The following KIAA1328 variants were observed in gnomAD, a reference collection of about 807,000 sequenced individuals.
The protein encoded by KIAA1328 is KIAA1328, also known as protein hinderin.
Under a neutral mutation model 68.1 loss-of-function variants are expected in KIAA1328, and 52 were observed. The ratio of observed to expected loss-of-function variants is 0.76; its 90% CI spans 0.61 to 0.96. KIAA1328 has a LOEUF of 0.96. Ranked by LOEUF, KIAA1328 falls within the 40% of genes least tolerant of loss-of-function variation. KIAA1328 has a pLI of 0.00. For synonymous variants in KIAA1328, 232 were observed against 239.4 expected, an observed-to-expected ratio of 0.97 and a Z score of 0.28; for missense variants, 641 against 677.6, an observed-to-expected ratio of 0.95 and a Z score of 0.60.
At chr18:37,021,950 G>A (rs1272587170) in intron 6 of KIAA1328, among the ~76,000 whole-genome samples, 1 of 152,058 alleles carries the variant, frequency 6.6e-6, no homozygotes, top group Non-Finnish European at 1.5e-5. Context: ...TGAGGCAGGA[G>A]AATGACGTGA....
In KIAA1328 at chr18:37,221,244, A is replaced by G. The variant is rs73948842; in HGVS notation, c.1524-773A>G. On this transcript the variant is annotated intron_variant, in intron 9 of 9. Coordinates refer to ENST00000280020, the MANE Select transcript of KIAA1328 (RefSeq NM_020776.3). Reference sequence around the variant, plus strand: ...TTTATAGATTTAGAATCTTTTCCCAAACTTCTAGAAAAAGTGGAAGGGGGT... The same window carrying G: ...TTTATAGATTTAGAATCTTTTCCCAGACTTCTAGAAAAAGTGGAAGGGGGT... 3.1e-3 allele frequency among the ~76,000 whole-genome samples: 479 copies of G among 152,300 alleles called. 3 individuals are homozygous for G. The highest frequency in any genetic ancestry group is 0.011 in the African/African-American group (458 of 41,562).
chr18:36,932,518 A>G (rs980803403), intron 5 of KIAA1328, among the ~76,000 whole-genome samples: 8 of 152,114 alleles, frequency 5.3e-5, no homozygotes, highest in Admixed American at 3.9e-4. Flanking sequence ...GCCTCTGTGC[A>G]TGGCCAAGAT....
intron 5 of KIAA1328, among the ~76,000 whole-genome samples, chr18:36,912,771 C>G (rs2049507953): frequency 6.6e-6 from 1 of 152,180 alleles, no homozygotes; most frequent in Non-Finnish European, 1.5e-5. Flanking sequence ...ACTCAATCAT[C>G]TAGATTAGGC....
intron 6 of KIAA1328, among the ~76,000 whole-genome samples, chr18:37,050,756 C>T (rs2055660280): frequency 6.6e-6 from 1 of 152,150 alleles, no homozygotes; most frequent in Non-Finnish European, 1.5e-5. Context: ...GCATGTGAAT[C>T]ACATAAGGCA....
chr18:36,974,753 A>C (rs934200741), intron 6 of KIAA1328, among the ~76,000 whole-genome samples: 2 of 152,198 alleles, frequency 1.3e-5, no homozygotes, highest in African/African-American at 2.4e-5. Context: ...AATTATTTAC[A>C]CTCGCATCAA....
chr18:37,121,653 A>G (rs1304958460), intron 7 of KIAA1328, among the ~76,000 whole-genome samples: 1 of 152,190 alleles, frequency 6.6e-6, no homozygotes, highest in African/African-American at 2.4e-5. Flanking sequence ...ATGACTGGAA[A>G]GAACATCAAA....
At chr18:37,126,516 G>A (rs1054312950) in intron 7 of KIAA1328, among the ~76,000 whole-genome samples, 3 of 152,090 alleles carry the variant, frequency 2.0e-5, no homozygotes, top group Admixed American at 6.5e-5. Context: ...CCCAGATGGC[G>A]TTACTGTCGA....
intron 7 of KIAA1328, among the ~76,000 whole-genome samples, chr18:37,125,600 A>G (rs1005793735): frequency 1.1e-4 from 17 of 152,204 alleles, no homozygotes; most frequent in African/African-American, 3.4e-4. Context: ...TGGCAAACCT[A>G]TACTCAGAAC....
intron 6 of KIAA1328, among the ~76,000 whole-genome samples, chr18:36,975,135 A>G (rs2052409278): frequency 6.6e-6 from 1 of 152,090 alleles, no homozygotes; most frequent in South Asian, 2.1e-4. Context: ...GAACTCTTTC[A>G]AAGCTAAGTT....
intron 7 of KIAA1328, among the ~76,000 whole-genome samples, chr18:37,069,896 A>G (rs893700092): frequency 1.3e-5 from 2 of 150,944 alleles, no homozygotes; most frequent in Admixed American, 1.3e-4. Context: ...CTTTTTTCCT[A>G]ATTTGTTAAG....
At chr18:36,864,274 C>A (rs1040472693) in intron 4 of KIAA1328, among the ~76,000 whole-genome samples, 3 of 150,218 alleles carry the variant, frequency 2.0e-5, no homozygotes, top group Non-Finnish European at 4.4e-5. Context: ...ATCAGCCTTG[C>A]GTACCTGTAG....
chr18:36,836,980 AAT>A (rs923709902), intron 3 of KIAA1328, among the ~76,000 whole-genome samples: 22 of 152,098 alleles, frequency 1.4e-4, no homozygotes, highest in African/African-American at 5.3e-4. Flanking sequence ...TTTATGTCTG[AAT>A]ATACATTTTG....
chr18:36,958,307 T>G (rs2051507411), intron 5 of KIAA1328, among the ~76,000 whole-genome samples: 1 of 152,214 alleles, frequency 6.6e-6, no homozygotes, highest in South Asian at 2.1e-4. Context: ...AAGTTTTCTT[T>G]GCTTATATAT....
intron 7 of KIAA1328, among the ~76,000 whole-genome samples, chr18:37,125,980 T>C (rs2058380193): frequency 6.6e-6 from 1 of 152,176 alleles, no homozygotes; most frequent in Admixed American, 6.5e-5. Flanking sequence ...TGTGCGTGAA[T>C]GTGTGCAAAA....
rs1017591721 is a variant in KIAA1328, at chr18:37,218,329, C to T, written c.1524-3688C>T. ...CAGTATCTTACCAGTTAATTGGGCT[C>T]CTTTGAAATGCTGAGGATCTGCTTA... is the stretch of plus-strand genomic sequence containing the variant. On this transcript the variant is annotated intron_variant, in intron 9 of 9. Transcript: ENST00000280020. Among the ~76,000 whole-genome samples the T allele has an allele frequency of 3.9e-5, 6 of 152,282 alleles. No homozygotes were observed. The South Asian group carries it at 6.2e-4, about 16-fold the overall frequency.
chr18:36,991,652 C>A (rs1352533859), intron 6 of KIAA1328, among the ~76,000 whole-genome samples: 1 of 152,148 alleles, frequency 6.6e-6, no homozygotes, highest in African/African-American at 2.4e-5. Context: ...GAGCTAGGTG[C>A]AGTTGTATGG....
chr18:36,829,725 G>T (rs2046395864), intron 1 of KIAA1328, among the ~76,000 whole-genome samples: 1 of 152,086 alleles, frequency 6.6e-6, no homozygotes, highest in South Asian at 2.1e-4. Context: ...GAGGTGTGGA[G>T]CTTGGTTACT....
chr18:36,890,585 C>T (rs995395324), intron 5 of KIAA1328, among the ~76,000 whole-genome samples: 5 of 152,088 alleles, frequency 3.3e-5, no homozygotes, highest in Admixed American at 1.3e-4. Context: ...GCATGAGAAT[C>T]GCTTGAACCT....
At chr18:36,992,853 T>A (rs1207180939) in intron 6 of KIAA1328, among the ~76,000 whole-genome samples, 3 of 152,130 alleles carry the variant, frequency 2.0e-5, no homozygotes, top group African/African-American at 7.2e-5. Context: ...CCTGTAATCT[T>A]AGCACTTTGG....
Sources: allele counts gnomAD v4.1 joint callset (sites outside exome capture counted in the v4.1 genomes callset), GRCh38; gene constraint gnomAD v4.1.1; transcripts MANE v1.5; gene names NCBI Gene and HGNC (gene_info 2026-07-23, HGNC 2026-07-21).